The following SPSB1 variants were observed in gnomAD, a reference collection of about 807,000 sequenced individuals.
SPSB1 encodes the protein SPRY domain-containing SOCS box protein 1.
SPSB1 carries 8 observed loss-of-function variants against 21.2 expected under a neutral mutation model. The ratio of observed to expected loss-of-function variants is 0.38; its 90% CI spans 0.22 to 0.68. The LOEUF (loss-of-function observed/expected upper bound fraction) is 0.68. Among genes scored for constraint, SPSB1 ranks in the 30% least tolerant of loss-of-function variants. The probability of loss-of-function intolerance (pLI) is 0.53; values close to 1 mark genes in which losing one functional copy is unlikely to be tolerated. For synonymous variants in SPSB1, 169 were observed against 161.7 expected (o/e 1.05, Z -0.34); for missense variants, 242 against 377.8 (o/e 0.64, Z 2.98).
At chr1:9,338,437 G>A (rs1002243554) in intron 1 of SPSB1, among the ~76,000 whole-genome samples, 2 of 152,226 alleles carry the variant, frequency 1.3e-5, no homozygotes, top group Non-Finnish European at 2.9e-5. Context: ...CAGCACTTGT[G>A]GGGGTCAGTG....
chr1:9,319,237 G>A (rs1193969745), intron 1 of SPSB1, among the ~76,000 whole-genome samples: 1 of 152,144 alleles, frequency 6.6e-6, no homozygotes, highest in Non-Finnish European at 1.5e-5. Context: ...CTGGGAAGTG[G>A]GGGGACCAGG....
At chr1:9,358,305 A>G (rs10779719) in intron 2 of SPSB1, among the ~76,000 whole-genome samples, 116,691 of 152,112 alleles carry the variant, frequency 0.77, 45,010 homozygotes, top group East Asian at 0.96. Flanking sequence ...TGTCTGTGGT[A>G]CAGGCTCCCA....
In SPSB1 at chr1:9,321,818, G is replaced by C. The variant is rs188437056; in HGVS notation, c.-150+28747G>C. ...TGGCCAGGGGCACCGCAGAGACCAC[G>C]GGAGAGGCTCTTCAGTGGCAGAAGT... is the stretch of plus-strand genomic sequence containing the variant. On this transcript the variant is annotated intron_variant, in intron 1 of 2. Coordinates refer to ENST00000328089, the MANE Select transcript of SPSB1 (RefSeq NM_025106.4). The surrounding 1 kb of genome is among the most constrained non-coding windows in gnomAD (Gnocchi z 4.8). Among the ~76,000 whole-genome samples, 9 of 152,180 alleles carry C rather than the reference G, an allele frequency of 5.9e-5. No individual in the cohort carries two copies. The East Asian group carries it at 1.3e-3, about 23-fold the overall frequency.
At chr1:9,327,185 G>C (rs986954213) in intron 1 of SPSB1, among the ~76,000 whole-genome samples, 2 of 152,220 alleles carry the variant, frequency 1.3e-5, no homozygotes, top group Admixed American at 1.3e-4. Context: ...GGCCTCCACA[G>C]TGGCCACTCA....
At position 9,356,258 on chromosome 1, in the gene SPSB1, C is replaced by G. The variant is rs1393268968; in HGVS notation, c.367C>G (p.Pro123Ala). The G allele has an allele frequency of 6.2e-7, 1 of 1,612,004 alleles. No individual in the cohort carries two copies. Among genetic ancestry groups the G allele is most frequent in the South Asian group, 1.1e-5 (1 of 90,966 alleles). Reference protein sequence around the residue: ...AVVGVATADAPLHSVGYTTLV... With the variant: ...AVVGVATADAALHSVGYTTLV... Reference sequence around the variant, plus strand: ...GGTGGGGGTGGCGACGGCAGACGCCCCCCTGCACTCTGTCGGGTACACAAC... The same window carrying G: ...GGTGGGGGTGGCGACGGCAGACGCCGCCCTGCACTCTGTCGGGTACACAAC... Residue 123 changes from proline to alanine, a missense_variant, in exon 2 of 3, where the codon CCC becomes GCC. Physicochemically the swap from Pro to Ala is conservative, Grantham distance 27. Transcript: ENST00000328089. The surrounding 1 kb of genome is among the most constrained non-coding windows in gnomAD (Gnocchi z 7.4).
intron 1 of SPSB1, among the ~76,000 whole-genome samples, chr1:9,333,840 C>T (rs77176763): frequency 0.032 from 4,853 of 152,262 alleles, 251 homozygotes; most frequent in African/African-American, 0.11. Context: ...TCCTCTCCAG[C>T]GCGGCTCCGG....
In SPSB1 at chr1:9,367,757, C is replaced by T. The variant is rs529027354; in HGVS notation, c.*182C>T. ...ACAAGGACCGATTCCAACACAGGCT[C>T]CTCTTTCCCCCTTCCCGACATCAGC... is the stretch of plus-strand genomic sequence containing the variant. On this transcript the variant is annotated 3_prime_UTR_variant, in exon 3 of 3. Coordinates refer to ENST00000328089, the MANE Select transcript of SPSB1 (RefSeq NM_025106.4). The surrounding 1 kb of genome is among the most constrained non-coding windows in gnomAD (Gnocchi z 5.9). 19 of 863,126 alleles carry T rather than the reference C, an allele frequency of 2.2e-5. No homozygotes were observed. Among genetic ancestry groups the T allele is most frequent in the Non-Finnish European group, 2.8e-5 (16 of 579,406 alleles). The allele number at this position is 863,126 out of a possible 1,614,324, so 53.5% of individuals were successfully genotyped here.
At position 9,368,250 on chromosome 1, in the gene SPSB1, C is replaced by T. The variant is rs972929015; in HGVS notation, c.*675C>T. 1.3e-5 allele frequency: 2 copies of T among 152,788 alleles called. No individual in the cohort carries two copies. The highest frequency in any genetic ancestry group is 2.9e-5 in the Non-Finnish European group (2 of 68,246). 9.5% of individuals were successfully genotyped at this position (152,788 alleles called of 1,614,324 possible). A position where few individuals can be genotyped will look rare whatever the true frequency, so the allele number is the denominator to read the frequency against. On this transcript the variant is annotated 3_prime_UTR_variant, in exon 3 of 3. Transcript: ENST00000328089. ...AGAAAGGAAACCCTGTTTCAGTCCC[C>T]TCTCTCTGGCTGTTCTGTTACTTTC...
intron 1 of SPSB1, among the ~76,000 whole-genome samples, chr1:9,335,336 T>C (rs1241627262): frequency 6.6e-6 from 1 of 151,456 alleles, no homozygotes; most frequent in Non-Finnish European, 1.5e-5. Context: ...ACCCCGTCTC[T>C]ACTAAAAATA....
chr1:9,322,785 C>T (rs886571612), intron 1 of SPSB1, among the ~76,000 whole-genome samples: 7 of 152,148 alleles, frequency 4.6e-5, no homozygotes, highest in Admixed American at 3.9e-4. Flanking sequence ...TTGTTCTGGC[C>T]GGTCTGATGG....
chr1:9,301,678 A>G (rs1009219465), intron 1 of SPSB1, among the ~76,000 whole-genome samples: 2 of 152,208 alleles, frequency 1.3e-5, no homozygotes, highest in Non-Finnish European at 2.9e-5. Flanking sequence ...GCTCAGGAAC[A>G]AAGTGGTCAT....
At chr1:9,299,226 C>T (rs1639275095) in intron 1 of SPSB1, among the ~76,000 whole-genome samples, 1 of 152,252 alleles carries the variant, frequency 6.6e-6, no homozygotes, top group South Asian at 2.1e-4. Context: ...AAGCAGTTTG[C>T]ATCCAGCTGG....
In SPSB1 at chr1:9,368,550, C is replaced by T. The variant is rs539933388; in HGVS notation, c.*975C>T. On this transcript the variant is annotated 3_prime_UTR_variant, in exon 3 of 3. Coordinates refer to ENST00000328089, the MANE Select transcript of SPSB1 (RefSeq NM_025106.4). ...GCTCAGGCACCCTTGCACAGGGTTGCATTTCTTTAGTCTTCTGTGGGTCTT... is the reference window on the plus strand; with the variant it reads ...GCTCAGGCACCCTTGCACAGGGTTGTATTTCTTTAGTCTTCTGTGGGTCTT... The T allele has an allele frequency of 1.3e-5, 2 of 152,342 alleles. No homozygotes were observed. The highest frequency in any genetic ancestry group is 1.9e-4 in the East Asian group (1 of 5,184). 9.4% of individuals were successfully genotyped at this position (152,342 alleles called of 1,614,324 possible). A position where few individuals can be genotyped will look rare whatever the true frequency, so the allele number is the denominator to read the frequency against.
chr1:9,336,351 T>C (rs1359213470), intron 1 of SPSB1, among the ~76,000 whole-genome samples: 1 of 152,054 alleles, frequency 6.6e-6, no homozygotes, highest in Non-Finnish European at 1.5e-5. Flanking sequence ...CTCAGCCTCC[T>C]GAGTAGCTGG....
intron 1 of SPSB1, among the ~76,000 whole-genome samples, chr1:9,338,903 G>A (rs560385154): frequency 6.6e-6 from 1 of 152,248 alleles, no homozygotes; most frequent in Non-Finnish European, 1.5e-5. Flanking sequence ...GAACAGGAGC[G>A]TGGACACCCT....
intron 1 of SPSB1, among the ~76,000 whole-genome samples, chr1:9,319,351 C>T (rs780104179): frequency 1.4e-4 from 22 of 152,150 alleles, no homozygotes; most frequent in Non-Finnish European, 2.5e-4. Context: ...CTCACCAAGG[C>T]GGGGAACACA....
At position 9,348,019 on chromosome 1, in the gene SPSB1, A is replaced by G. The variant is rs1640192460; in HGVS notation, c.-149-7724A>G. Among the ~76,000 whole-genome samples, 1 of 146,296 alleles carries G rather than the reference A, an allele frequency of 6.8e-6. No individual in the cohort carries two copies. The highest frequency in any genetic ancestry group is 2.5e-5 in the African/African-American group (1 of 39,218). ...GAGTGCAGTGGTGCGATCTCGGCTCACTGCAACCTCCGCCTCCTGGGTTCA... is the reference window on the plus strand; with the variant it reads ...GAGTGCAGTGGTGCGATCTCGGCTCGCTGCAACCTCCGCCTCCTGGGTTCA... On this transcript the variant is annotated intron_variant, in intron 1 of 2. Coordinates refer to ENST00000328089, the MANE Select transcript of SPSB1 (RefSeq NM_025106.4). This position sits in a 1 kb window ranked among gnomAD's most constrained non-coding sequence, Gnocchi z 4.8.
intron 1 of SPSB1, among the ~76,000 whole-genome samples, chr1:9,323,242 C>T (rs914870759): frequency 2.6e-5 from 4 of 152,234 alleles, no homozygotes; most frequent in African/African-American, 4.8e-5. Flanking sequence ...CGGCTTTGAG[C>T]GTCTGGATGA....
chr1:9,351,873 G>A (rs191998824), intron 1 of SPSB1, among the ~76,000 whole-genome samples: 9 of 152,316 alleles, frequency 5.9e-5, no homozygotes, highest in Non-Finnish European at 1.2e-4. Context: ...GGCAGAAGTG[G>A]CCGGGTGTGT....
Sources: allele counts gnomAD v4.1 joint callset (sites outside exome capture counted in the v4.1 genomes callset), GRCh38; gene constraint gnomAD v4.1.1; non-coding constraint Gnocchi (gnomAD v3.1); transcripts MANE v1.5; gene names NCBI Gene and HGNC (gene_info 2026-07-23, HGNC 2026-07-21).